HERPUD2: variants seen among roughly 807,000 people sequenced by gnomAD.
HERPUD2 encodes the protein homocysteine-responsive endoplasmic reticulum-resident ubiquitin-like domain member 2 protein.
Under a neutral mutation model 49.9 loss-of-function variants are expected in HERPUD2, and 13 were observed. The observed-to-expected ratio is 0.26, with a 90% confidence interval of 0.17 to 0.41. HERPUD2 has a LOEUF of 0.41. HERPUD2 is among the 10% of genes least tolerant of loss of function. HERPUD2 has a pLI of 1.00. For missense variants in HERPUD2, 449 were observed against 492.2 expected, an observed-to-expected ratio of 0.91 and a Z score of 0.83; for synonymous variants, 172 against 171.4, an observed-to-expected ratio of 1.00 and a Z score of -0.03.
At chr7:35,635,043 C>T in intron 7 of HERPUD2, 92 bp downstream of exon 7, 1 of 872,308 alleles carries the variant, frequency 1.1e-6, no homozygotes, top group Non-Finnish European at 1.8e-6. Flanking sequence ...CATATTCCTT[C>T]ACTCAACATT....
At position 35,645,712 on chromosome 7, in the gene HERPUD2, G is replaced by A. The variant is rs191151308; in HGVS notation, c.495-7240C>T. On this transcript the variant is annotated intron_variant, in intron 5 of 8. Coordinates refer to ENST00000311350, the MANE Select transcript of HERPUD2 (RefSeq NM_022373.5). Reference sequence around the variant, plus strand: ...GTTGCAGTTTCCAAGACCCTATCGTGATTTTAAGTGAGGACTTACTGCATA... The same window carrying A: ...GTTGCAGTTTCCAAGACCCTATCGTAATTTTAAGTGAGGACTTACTGCATA... 3.5e-3 allele frequency among the ~76,000 whole-genome samples: 538 copies of A among 152,298 alleles called. 1 individual carries two copies. The highest frequency in any genetic ancestry group is 6.8e-3 in the Middle Eastern group (2 of 294).
At position 35,670,254 on chromosome 7, in the gene HERPUD2, A is replaced by G. The variant is rs766917843; in HGVS notation, c.300T>C (p.Asn100=). The G allele has an allele frequency of 6.9e-6, 11 of 1,588,162 alleles. No individual in the cohort carries two copies. The highest frequency in any genetic ancestry group is 1.7e-5 in the Admixed American group (1 of 58,240). ...TPPSSPKSST[N]RESHEALASS... is the part of the protein sequence containing the mutation. The stretch of plus-strand genomic sequence containing the variant: ...ATGCCAATGCTTCATGACTTTCTCT[A>G]TTGGTGCTGGATTTTGGAGAACTGG... Residue 100 remains asparagine, a synonymous_variant, in exon 4 of 9, where the codon AAT becomes AAC. Coordinates refer to ENST00000311350, the MANE Select transcript of HERPUD2 (RefSeq NM_022373.5).
At chr7:35,662,383 C>T (rs1261503764) in intron 5 of HERPUD2, among the ~76,000 whole-genome samples, 1 of 152,120 alleles carries the variant, frequency 6.6e-6, no homozygotes, top group Admixed American at 6.5e-5. Context: ...ATGATACTGG[C>T]CTCATAAAAT....
intron 5 of HERPUD2, among the ~76,000 whole-genome samples, chr7:35,649,253 A>G (rs768688505): frequency 3.5e-5 from 5 of 143,376 alleles, no homozygotes; most frequent in Non-Finnish European, 6.2e-5. Flanking sequence ...TCCATCTCTG[A>G]AAAAAAAAAA....
At chr7:35,665,584 G>A (rs764486224) in intron 5 of HERPUD2, among the ~76,000 whole-genome samples, 4 of 152,272 alleles carry the variant, frequency 2.6e-5, no homozygotes, top group African/African-American at 7.2e-5. Context: ...GCGATGCCCC[G>A]CCCTGCTCCA....
At chr7:35,650,398 C>T (rs543326771) in intron 5 of HERPUD2, among the ~76,000 whole-genome samples, 12 of 152,256 alleles carry the variant, frequency 7.9e-5, no homozygotes, top group African/African-American at 2.9e-4. Context: ...ACCCTTAATG[C>T]ACACGGGCCC....
At chr7:35,668,889 A>AG (rs1301963281) in intron 4 of HERPUD2, among the ~76,000 whole-genome samples, 1 of 152,204 alleles carries the variant, frequency 6.6e-6, no homozygotes, top group Non-Finnish European at 1.5e-5. Context: ...TGACCTTATT[A>AG]GGTAATTATT....
intron 6 of HERPUD2, among the ~76,000 whole-genome samples, chr7:35,637,186 G>C (rs1267505921): frequency 6.6e-6 from 1 of 151,084 alleles, no homozygotes; most frequent in Non-Finnish European, 1.5e-5. Context: ...TAGATAGATA[G>C]ATAGATAGAT....
intron 2 of HERPUD2, among the ~76,000 whole-genome samples, chr7:35,683,863 C>T (rs1251598742): frequency 6.6e-6 from 1 of 152,136 alleles, no homozygotes; most frequent in Non-Finnish European, 1.5e-5. Flanking sequence ...TGCAATACCA[C>T]CTTACTGCTG....
chr7:35,674,379 CTATA>C (rs1232272764), intron 2 of HERPUD2, among the ~76,000 whole-genome samples: 78 of 42,954 alleles, frequency 1.8e-3, no homozygotes, highest in East Asian at 6.6e-3. Context: ...GTCTTACAAC[CTATA>C]TATATATATA....
chr7:35,680,055 G>C (rs1367738908), intron 2 of HERPUD2, among the ~76,000 whole-genome samples: 1 of 152,156 alleles, frequency 6.6e-6, no homozygotes, highest in Non-Finnish European at 1.5e-5. Flanking sequence ...ATCTGCAATA[G>C]TCTTTTAATT....
intron 5 of HERPUD2, among the ~76,000 whole-genome samples, chr7:35,649,119 C>T (rs1193280702): frequency 6.6e-6 from 1 of 151,988 alleles, no homozygotes; most frequent in African/African-American, 2.4e-5. Flanking sequence ...GGCGTGGTGG[C>T]AGGCGCCTGT....
chr7:35,692,913 C>T (rs1053076285), intron 2 of HERPUD2, among the ~76,000 whole-genome samples: 3 of 152,234 alleles, frequency 2.0e-5, no homozygotes, highest in African/African-American at 7.2e-5. Context: ...TGCCTTCCAA[C>T]AGATCCATGC....
intron 5 of HERPUD2, among the ~76,000 whole-genome samples, chr7:35,644,626 G>C (rs908217130): frequency 1.3e-5 from 2 of 152,038 alleles, no homozygotes; most frequent in African/African-American, 2.4e-5. Context: ...AAATTAGCCA[G>C]TGTGGAGACG....
Position 35,670,216 on chromosome 7 carries a change from G to C in HERPUD2, c.338C>G (p.Ser113Cys). The part of the protein sequence containing the change: ...SHEALASSSN[S>C]SSDHSGSTTP... The stretch of plus-strand genomic sequence containing the variant: ...TTTACTCCTCCCAAAACAACTCACA[G>C]AATTGCTGCTGGATGCCAATGCTTC... Residue 113 changes from serine to cysteine, a missense_variant and splice_region_variant, in exon 4 of 9, where the codon TCT (serine) becomes TGT (cysteine). Ser to Cys is a moderately radical substitution (Grantham distance 112). Transcript: ENST00000311350. 6.7e-7 allele frequency: 1 copy of C among 1,501,426 alleles called. No homozygotes were observed. The highest frequency in any genetic ancestry group is 1.2e-5 in the South Asian group (1 of 80,124). 93.0% of individuals were successfully genotyped at this position (1,501,426 alleles called of 1,614,324 possible). A position where few individuals can be genotyped will look rare whatever the true frequency, so the allele number is the denominator to read the frequency against.
chr7:35,649,038 T>G (rs1471672623), intron 5 of HERPUD2, among the ~76,000 whole-genome samples: 3 of 151,908 alleles, frequency 2.0e-5, no homozygotes, highest in Non-Finnish European at 4.4e-5. Context: ...GATCACAAGG[T>G]CAGGAGATCA....
intron 5 of HERPUD2, among the ~76,000 whole-genome samples, chr7:35,662,994 C>T (rs539367558): frequency 3.7e-4 from 56 of 152,170 alleles, no homozygotes; most frequent in Non-Finnish European, 6.9e-4. Context: ...CCTGCTTTCT[C>T]TTGTGGGCAT....
intron 6 of HERPUD2, 100 bp downstream of exon 6, chr7:35,638,250 C>T: frequency 8.4e-7 from 1 of 1,197,414 alleles, no homozygotes; most frequent in Non-Finnish European, 1.1e-6. Flanking sequence ...ACATTAAATA[C>T]ATAAACAAAT....
At chr7:35,677,035 AT>A (rs746642243) in intron 2 of HERPUD2, among the ~76,000 whole-genome samples, 70 of 152,214 alleles carry the variant, frequency 4.6e-4, no homozygotes, top group Non-Finnish European at 8.2e-4. Flanking sequence ...AGATTTCTCT[AT>A]TTTTTTATAA....
Sources: gnomAD v4.1 joint callset for allele counts (sites outside exome capture counted in the v4.1 genomes callset) on GRCh38, gnomAD v4.1.1 for gene constraint, MANE v1.5 for transcripts, NCBI Gene and HGNC (gene_info 2026-07-23, HGNC 2026-07-21) for gene names.